Variants in LRRC3B observed in about 807,000 individuals in gnomAD.
The protein encoded by LRRC3B is leucine rich repeat containing 3B, also known as leucine-rich repeat-containing protein 3B.
A neutral mutation model predicts 12.8 loss-of-function variants in LRRC3B; 2 were observed. The observed-to-expected ratio is 0.16, with a 90% CI of 0.06 to 0.49. The LOEUF is 0.49. Among genes scored for constraint, LRRC3B ranks in the 20% least tolerant of loss-of-function variants. LRRC3B has a pLI of 0.96. For synonymous variants in LRRC3B, 132 were observed against 122.0 expected (o/e 1.08, Z -0.54); for missense variants, 189 against 319.4 (o/e 0.59, Z 3.11).
intron 1 of LRRC3B, among the ~76,000 whole-genome samples, chr3:26,674,117 G>A (rs1363916263): frequency 6.6e-6 from 1 of 152,148 alleles, no homozygotes; most frequent in Non-Finnish European, 1.5e-5. Context: ...GGTGAGGAGA[G>A]GTTTATGTTG....
intron 1 of LRRC3B, among the ~76,000 whole-genome samples, chr3:26,636,996 C>T (rs995457165): frequency 6.9e-6 from 1 of 144,792 alleles, no homozygotes; most frequent in Non-Finnish European, 1.5e-5. Flanking sequence ...TTCTCTCTTT[C>T]TCTCTTTCTT....
At chr3:26,626,961 T>C (rs1026436674) in intron 1 of LRRC3B, among the ~76,000 whole-genome samples, 3 of 152,230 alleles carry the variant, frequency 2.0e-5, no homozygotes, top group African/African-American at 7.2e-5. Flanking sequence ...TTGAATACAG[T>C]GGCATAAATT....
chr3:26,669,496 A>C lies in LRRC3B; in HGVS notation c.-160-40017A>C, dbSNP rs1428979606. ...GTCTAAATTTACAAGTATTTGTGAA[A>C]TAAGGAGATGAATATTACCTTTTTA... On this transcript the variant is annotated intron_variant, in intron 1 of 1. Coordinates refer to ENST00000396641, the Ensembl canonical transcript of LRRC3B. Among the ~76,000 whole-genome samples, 3 of 152,338 alleles carry C rather than the reference A, an allele frequency of 2.0e-5. No homozygotes were observed. In the South Asian group the frequency reaches 6.2e-4, roughly 32 times the overall value.
At chr3:26,693,959 AC>A (rs1700248156) in intron 1 of LRRC3B, among the ~76,000 whole-genome samples, 1 of 152,210 alleles carries the variant, frequency 6.6e-6, no homozygotes, top group Non-Finnish European at 1.5e-5. Context: ...CTTTAATAAA[AC>A]AAAAAATAAC....
At position 26,703,486 on chromosome 3, in the gene LRRC3B, G is replaced by T. The variant is rs146428703; in HGVS notation, c.-160-6027G>T. Among the ~76,000 whole-genome samples the T allele has an allele frequency of 5.3e-3, 799 of 152,178 alleles. 3 individuals are homozygous for T. Among genetic ancestry groups the T allele is most frequent in the South Asian group, 0.02 (98 of 4,814 alleles). ...TAGTGGGAAAAAAGGAAGACTTCAGGAGAGTTCTGGTTGAAGGCTGTTGAC... is the reference window on the plus strand; with the variant it reads ...TAGTGGGAAAAAAGGAAGACTTCAGTAGAGTTCTGGTTGAAGGCTGTTGAC... On this transcript the variant is annotated intron_variant, in intron 1 of 1. Coordinates refer to ENST00000396641, the Ensembl canonical transcript of LRRC3B.
chr3:26,676,224 C>T (rs1469164466), intron 1 of LRRC3B, among the ~76,000 whole-genome samples: 105 of 132,816 alleles, frequency 7.9e-4, no homozygotes, highest in Admixed American at 1.3e-3. Context: ...CTAATGCTAT[C>T]CCTTCCCCCT....
At chr3:26,643,786 C>T (rs916178386) in intron 1 of LRRC3B, among the ~76,000 whole-genome samples, 17 of 152,156 alleles carry the variant, frequency 1.1e-4, no homozygotes, top group African/African-American at 4.1e-4. Flanking sequence ...CTATATATAG[C>T]AGCTGCAAGT....
At chr3:26,651,177 T>TA (rs904649463) in intron 1 of LRRC3B, among the ~76,000 whole-genome samples, 3 of 152,350 alleles carry the variant, frequency 2.0e-5, no homozygotes, top group African/African-American at 7.2e-5. Flanking sequence ...AAAAATGACT[T>TA]ACTCTGAGAC....
Position 26,683,839 on chromosome 3 carries a change from G to A in LRRC3B, c.-160-25674G>A, listed in dbSNP as rs74790982. Among the ~76,000 whole-genome samples, 942 of 152,220 alleles carry A rather than the reference G, an allele frequency of 6.2e-3. 5 individuals are homozygous for A. Among genetic ancestry groups the A allele is most frequent in the African/African-American group, 0.021 (861 of 41,498 alleles). ...ACACTTTTCCTGAGATATCTGCAGC[G>A]CAATTTCTCAGGAATAAATCTCTGT... On this transcript the variant is annotated intron_variant, in intron 1 of 1. Transcript: ENST00000396641.
chr3:26,643,507 C>G (rs189330445), intron 1 of LRRC3B, among the ~76,000 whole-genome samples: 1 of 152,262 alleles, frequency 6.6e-6, no homozygotes, highest in East Asian at 1.9e-4. Context: ...GTTTTCCACC[C>G]ACCCACCAGC....
At chr3:26,655,230 A>G (rs1294701176) in intron 1 of LRRC3B, among the ~76,000 whole-genome samples, 5 of 152,208 alleles carry the variant, frequency 3.3e-5, no homozygotes, top group Non-Finnish European at 5.9e-5. Flanking sequence ...GAATTTCTTT[A>G]TCTAGTAAAG....
chr3:26,693,753 T>G (rs2125451527), intron 1 of LRRC3B, among the ~76,000 whole-genome samples: 1 of 152,320 alleles, frequency 6.6e-6, no homozygotes, highest in African/African-American at 2.4e-5. Context: ...TAGGTATGCC[T>G]AATTCCAAAG....
chr3:26,683,341 T>G (rs1479302804), intron 1 of LRRC3B, among the ~76,000 whole-genome samples: 1 of 152,218 alleles, frequency 6.6e-6, no homozygotes, highest in African/African-American at 2.4e-5. Context: ...GGGTAAATTG[T>G]AGCAGCAGCT....
chr3:26,688,784 G>A (rs1010589398), intron 1 of LRRC3B, among the ~76,000 whole-genome samples: 10 of 152,126 alleles, frequency 6.6e-5, no homozygotes, highest in African/African-American at 2.4e-4. Flanking sequence ...AATGAGATTT[G>A]AGTGGGGACA....
At chr3:26,691,097 G>GTATA (rs1270727731) in intron 1 of LRRC3B, among the ~76,000 whole-genome samples, 2 of 52,586 alleles carry the variant, frequency 3.8e-5, no homozygotes, top group African/African-American at 7.1e-5. Context: ...GTATATGTGT[G>GTATA]TGTGTGTGTA....
chr3:26,644,421 GTCA>G (rs1231246821), intron 1 of LRRC3B, among the ~76,000 whole-genome samples: 1 of 152,154 alleles, frequency 6.6e-6, no homozygotes, highest in East Asian at 1.9e-4. Context: ...CTTCATATTG[GTCA>G]TACCTGGTAC....
chr3:26,635,661 G>A (rs1698853222), intron 1 of LRRC3B, among the ~76,000 whole-genome samples: 1 of 152,184 alleles, frequency 6.6e-6, no homozygotes, highest in Non-Finnish European at 1.5e-5. Context: ...CCAGTCTATG[G>A]CAATTTGTTA....
intron 1 of LRRC3B, among the ~76,000 whole-genome samples, chr3:26,685,119 A>T (rs1425031108): frequency 1.3e-5 from 2 of 151,910 alleles, no homozygotes; most frequent in Non-Finnish European, 2.9e-5. Flanking sequence ...ACACCCAGCT[A>T]ATTTTGTATT....
intron 1 of LRRC3B, among the ~76,000 whole-genome samples, chr3:26,669,919 C>T (rs889270805): frequency 6.6e-6 from 1 of 152,226 alleles, no homozygotes; most frequent in African/African-American, 2.4e-5. Context: ...TGAGAGTCCT[C>T]CTTATCCACA....
Sources: gnomAD v4.1 joint callset for allele counts (sites outside exome capture counted in the v4.1 genomes callset) on GRCh38, gnomAD v4.1.1 for gene constraint, MANE v1.5 for transcripts, NCBI Gene and HGNC (gene_info 2026-07-23, HGNC 2026-07-21) for gene names.